ADGRD1: variants seen among roughly 807,000 people sequenced by gnomAD.
ADGRD1 encodes the protein G-protein coupled receptor 133.
In ADGRD1, 77 loss-of-function variants were observed where a neutral mutation model predicts 113.4. The ratio of observed to expected loss-of-function variants is 0.68; its 90% CI spans 0.57 to 0.82. The LOEUF (loss-of-function observed/expected upper bound fraction) is 0.82, where lower values mean the gene tolerates loss of function less well. Ranked by LOEUF, ADGRD1 falls within the 40% of genes least tolerant of loss-of-function variation. ADGRD1 has a pLI of 0.00. For missense variants in ADGRD1, 1,036 were observed against 1,139.1 expected (o/e 0.91, Z 1.30); for synonymous variants, 474 against 475.0 (o/e 1.00, Z 0.03).
chr12:131,118,527 C>G, intron 19 of ADGRD1, 76 bp downstream of exon 19: 1 of 1,061,022 alleles, frequency 9.4e-7, no homozygotes, highest in Non-Finnish European at 1.4e-6. Context: ...GTGGCTCTTG[C>G]CTTCCTGTGC....
At chr12:130,976,623 T>G (rs1404810059) in intron 4 of ADGRD1, among the ~76,000 whole-genome samples, 1 of 152,150 alleles carries the variant, frequency 6.6e-6, no homozygotes, top group African/African-American at 2.4e-5. Flanking sequence ...AGTGAGACTT[T>G]CTACATTGTC....
At chr12:131,005,080 A>G (rs1230190501) in intron 11 of ADGRD1, among the ~76,000 whole-genome samples, 3 of 152,180 alleles carry the variant, frequency 2.0e-5, no homozygotes, top group African/African-American at 7.2e-5. Flanking sequence ...CCCTCATCAG[A>G]CATCTCTCTC....
rs146929634 is a variant in ADGRD1 at position 130,992,303 on chromosome 12, C to G, written c.877C>G (p.Pro293Ala). 1.2e-6 allele frequency: 2 copies of G among 1,613,080 alleles called. No individual in the cohort carries two copies. Among genetic ancestry groups the G allele is most frequent in the African/African-American group, 2.7e-5 (2 of 74,860 alleles). The change falls in exon 8 of 25, where the codon CCC becomes GCC. Residue 293 changes from proline (P) to alanine (A), a missense_variant. Pro to Ala is a conservative substitution (Grantham distance 27). Transcript: ENST00000261654. Reference protein sequence around the residue: ...LTEERKTFQSPGVILSYLQNV... With the variant: ...LTEERKTFQSAGVILSYLQNV... ...AGAAGAGAGAAAAACCTTCCAAAGT[C>G]CCGGAGTGATACTGAGTTACCTCCA...
intron 14 of ADGRD1, among the ~76,000 whole-genome samples, chr12:131,080,813 G>A (rs1199298370): frequency 1.3e-5 from 2 of 151,674 alleles, no homozygotes; most frequent in South Asian, 2.1e-4. Flanking sequence ...GTAGAGACGG[G>A]GTTTCACCGT....
chr12:131,105,935 C>T, intron 17 of ADGRD1, 70 bp downstream of exon 17: 1 of 1,086,294 alleles, frequency 9.2e-7, no homozygotes, highest in Non-Finnish European at 1.4e-6. Flanking sequence ...CGGGTGGCAC[C>T]TTCTGCTAGC....
At chr12:130,989,341 A>AC (rs1282477946) in intron 6 of ADGRD1, 1 of 152,216 alleles carries the variant, frequency 6.6e-6, no homozygotes, top group African/African-American at 2.4e-5. Context: ...GTCAGAGCAA[A>AC]CCCTCATCGC....
rs550882152 is a variant in ADGRD1, at chr12:131,118,178, A to AGT, written c.2042-196_2042-195dup. The stretch of plus-strand genomic sequence containing the variant: ...ACAGAAGTGTGAACATGTGAGTATG[A>AGT]GTGTGTGTGTGTTATTCCTTTGTTT... On this transcript the variant is annotated intron_variant, in intron 18 of 24. Transcript: ENST00000261654. Among the ~76,000 whole-genome samples, 96 of 152,258 alleles carry AGT rather than the reference A, an allele frequency of 6.3e-4. 2 individuals carry two copies. In the East Asian group the frequency reaches 0.017, roughly 28 times the overall value.
intron 15 of ADGRD1, among the ~76,000 whole-genome samples, chr12:131,092,918 G>A (rs182198220): frequency 6.7e-6 from 1 of 149,772 alleles, no homozygotes; most frequent in Admixed American, 6.6e-5. Context: ...AGAAGAGGAA[G>A]ATGTGGCCAC....
chr12:130,992,648 G>A (rs1016734065), intron 8 of ADGRD1, among the ~76,000 whole-genome samples: 3 of 152,198 alleles, frequency 2.0e-5, no homozygotes, highest in Non-Finnish European at 2.9e-5. Context: ...GGTCCCCCCT[G>A]TGCAGCCACC....
At position 131,141,004 on chromosome 12, in the gene ADGRD1, G is replaced by T. The variant is rs73149940; in HGVS notation, c.*1741G>T. 0.074 allele frequency: 11,309 copies of T among 152,296 alleles called. 404 individuals are homozygous for T. The highest frequency in any genetic ancestry group is 0.14 in the Middle Eastern group (40 of 294). The allele number at this position is 152,296 out of a possible 1,614,324, so 9.4% of individuals were successfully genotyped here. On this transcript the variant is annotated 3_prime_UTR_variant, in exon 25 of 25. Transcript: ENST00000261654. ...GTCCCATGTTTAGCCACTGCCCCAG[G>T]CTCCCGTGACCCCAGAAACCAGGTC... is the stretch of plus-strand genomic sequence containing the variant.
intron 13 of ADGRD1, among the ~76,000 whole-genome samples, chr12:131,062,547 C>T (rs7313635): frequency 2.0e-5 from 3 of 152,140 alleles, no homozygotes; most frequent in Non-Finnish European, 4.4e-5. Context: ...AATTAAATCA[C>T]GGGAGCACTT....
chr12:131,023,358 C>T (rs1341159818), intron 13 of ADGRD1: 1 of 152,166 alleles, frequency 6.6e-6, no homozygotes, highest in Non-Finnish European at 1.5e-5. Context: ...TGTGAACCAT[C>T]GTGTGGTTCT....
intron 2 of ADGRD1, among the ~76,000 whole-genome samples, chr12:130,964,064 C>A (rs1056307565): frequency 3.3e-5 from 5 of 152,034 alleles, no homozygotes; most frequent in African/African-American, 9.7e-5. Flanking sequence ...ATTTTTATTT[C>A]TTTTTCATTG....
intron 14 of ADGRD1, 113 bp downstream of exon 14, chr12:131,076,987 C>A: frequency 4.5e-6 from 4 of 896,926 alleles, no homozygotes; most frequent in South Asian, 1.4e-5. Context: ...GACATGGTTG[C>A]GTTATGCGAA....
intron 20 of ADGRD1, among the ~76,000 whole-genome samples, chr12:131,122,168 C>T (rs966359008): frequency 6.6e-6 from 1 of 152,072 alleles, no homozygotes; most frequent in Non-Finnish European, 1.5e-5. Flanking sequence ...ACTGGAGCAG[C>T]TCCCTGGACT....
intron 13 of ADGRD1, among the ~76,000 whole-genome samples, chr12:131,055,384 C>G (rs1049574626): frequency 1.1e-4 from 17 of 152,230 alleles, no homozygotes; most frequent in African/African-American, 3.9e-4. Context: ...CTATTAAGCA[C>G]ACTGACTTCA....
Position 131,121,077 on chromosome 12 carries a change from G to T in ADGRD1, c.2175+164G>T, listed in dbSNP as rs144894387. ...GGGCTCCTCTGGGCCAGTGACTGAG[G>T]GTCTTATTTCCCGGAATGCTCAGGA... On this transcript the variant is annotated intron_variant, in intron 20 of 24. Coordinates refer to ENST00000261654, the MANE Select transcript of ADGRD1 (RefSeq NM_198827.5). Among the ~76,000 whole-genome samples the T allele has an allele frequency of 2.1e-3, 321 of 152,304 alleles. 3 individuals carry two copies. The highest frequency in any genetic ancestry group is 7.3e-3 in the African/African-American group (305 of 41,568).
In ADGRD1 at chr12:131,051,289, G is replaced by A. The variant is rs149038065; in HGVS notation, c.1474-25512G>A. On this transcript the variant is annotated intron_variant, in intron 13 of 24. Coordinates refer to ENST00000261654, the MANE Select transcript of ADGRD1 (RefSeq NM_198827.5). Reference sequence around the variant, plus strand: ...TTTCTTTTGATTGACATCAACAATAGCCAATGGCCTGCTTCATTTTCCTTC... The same window carrying A: ...TTTCTTTTGATTGACATCAACAATAACCAATGGCCTGCTTCATTTTCCTTC... Among the ~76,000 whole-genome samples the A allele has an allele frequency of 2.0e-3, 308 of 152,320 alleles. 1 individual carries two copies. In the Middle Eastern group the frequency reaches 0.02, roughly 10 times the overall value.
chr12:130,981,050 C>CCT (rs1872923143), intron 4 of ADGRD1: 1 of 152,224 alleles, frequency 6.6e-6, no homozygotes, highest in Non-Finnish European at 1.5e-5. Flanking sequence ...GCTGCTGCCC[C>CCT]CTCTGTATCC....
Sources: gnomAD v4.1 joint callset for allele counts (sites outside exome capture counted in the v4.1 genomes callset) on GRCh38, gnomAD v4.1.1 for gene constraint, MANE v1.5 for transcripts, NCBI Gene and HGNC (gene_info 2026-07-23, HGNC 2026-07-21) for gene names.